The following RIMS2 variants were observed in gnomAD, a reference collection of about 807,000 sequenced individuals.
RIMS2 encodes regulating synaptic membrane exocytosis protein 2.
RIMS2 carries 59 observed loss-of-function variants against 174.4 expected under a neutral mutation model. The observed-to-expected ratio is 0.34, with a 90% confidence interval of 0.27 to 0.42. The LOEUF (loss-of-function observed/expected upper bound fraction) is 0.42. Ranked by LOEUF, RIMS2 falls within the 10% of genes least tolerant of loss-of-function variation. The pLI, the probability that RIMS2 is intolerant of heterozygous loss-of-function variation, is 1.00. For synonymous variants in RIMS2, 606 were observed against 572.5 expected (o/e 1.06, Z -0.84); for missense variants, 1,620 against 1,666.3 (o/e 0.97, Z 0.48).
At chr8:103,512,258 C>G (rs2131130129) in intron 1 of RIMS2, among the ~76,000 whole-genome samples, 1 of 152,274 alleles carries the variant, frequency 6.6e-6, no homozygotes. Context: ...TAACATTTTG[C>G]CAACTGCAAA....
intron 19 of RIMS2, among the ~76,000 whole-genome samples, chr8:104,145,336 A>G (rs964546378): frequency 6.6e-6 from 1 of 152,050 alleles, no homozygotes. Context: ...GTTGAAATAT[A>G]CTGTATTTCC....
At chr8:104,183,345 T>C (rs1006725897) in intron 19 of RIMS2, among the ~76,000 whole-genome samples, 2 of 151,736 alleles carry the variant, frequency 1.3e-5, no homozygotes, top group African/African-American at 2.4e-5. Context: ...ACATAATTAT[T>C]TTATTATCTT....
chr8:103,728,340 T>A (rs969628737), intron 2 of RIMS2, among the ~76,000 whole-genome samples: 1 of 152,164 alleles, frequency 6.6e-6, no homozygotes, highest in Admixed American at 6.6e-5. Context: ...GGTGGAGTCT[T>A]TAGGTTTTTC....
chr8:104,216,628 A>G (rs2138144193), intron 19 of RIMS2, among the ~76,000 whole-genome samples: 1 of 152,306 alleles, frequency 6.6e-6, no homozygotes, highest in East Asian at 1.9e-4. Context: ...CTATATAAAG[A>G]GTATAGTAAT....
intron 19 of RIMS2, among the ~76,000 whole-genome samples, chr8:104,134,176 A>G (rs1013601679): frequency 6.6e-6 from 1 of 152,196 alleles, no homozygotes; most frequent in Non-Finnish European, 1.5e-5. Flanking sequence ...AATTCAAGAT[A>G]CTTTGGGGCC....
intron 16 of RIMS2, among the ~76,000 whole-genome samples, chr8:103,978,252 T>C (rs186278884): frequency 6.6e-6 from 1 of 152,272 alleles, no homozygotes; most frequent in Admixed American, 6.5e-5. Context: ...ACATTTTAGA[T>C]CAGATTCTCT....
chr8:103,549,812 G>T (rs1419918865), intron 1 of RIMS2, among the ~76,000 whole-genome samples: 1 of 152,044 alleles, frequency 6.6e-6, no homozygotes, highest in African/African-American at 2.4e-5. Context: ...AAAGGCAGGG[G>T]TTGCAATCCT....
chr8:103,627,416 G>A (rs1009572037), intron 1 of RIMS2, among the ~76,000 whole-genome samples: 1 of 152,254 alleles, frequency 6.6e-6, no homozygotes, highest in Admixed American at 6.5e-5. Flanking sequence ...GTGGTCCTGA[G>A]GTGATGTACG....
intron 1 of RIMS2, among the ~76,000 whole-genome samples, chr8:103,581,456 A>G (rs936274977): frequency 6.6e-6 from 1 of 152,218 alleles, no homozygotes; most frequent in African/African-American, 2.4e-5. Context: ...AACACACTGA[A>G]TGTAGAAGGA....
intron 3 of RIMS2, among the ~76,000 whole-genome samples, chr8:103,792,947 A>G (rs922011077): frequency 2.0e-5 from 3 of 152,190 alleles, no homozygotes; most frequent in Admixed American, 1.3e-4. Context: ...TTAATAGCCT[A>G]CCAACCAAAA....
At chr8:103,821,319 G>A (rs1488825149) in intron 3 of RIMS2, among the ~76,000 whole-genome samples, 4 of 151,546 alleles carry the variant, frequency 2.6e-5, no homozygotes, top group African/African-American at 9.7e-5. Flanking sequence ...ATAAGATTAT[G>A]AAGTTTTTAA....
At chr8:103,746,983 T>C (rs2097826794) in intron 2 of RIMS2, among the ~76,000 whole-genome samples, 1 of 151,838 alleles carries the variant, frequency 6.6e-6, no homozygotes, top group African/African-American at 2.4e-5. Context: ...AGTGAGAACA[T>C]GTGGTATTTG....
At chr8:104,109,313 A>G (rs560493432) in intron 19 of RIMS2, among the ~76,000 whole-genome samples, 10 of 151,488 alleles carry the variant, frequency 6.6e-5, no homozygotes, top group South Asian at 6.2e-4. Flanking sequence ...AAAAAAAAAA[A>G]AAAAGAAATA....
At chr8:103,594,094 G>A (rs1024090459) in intron 1 of RIMS2, among the ~76,000 whole-genome samples, 2 of 151,568 alleles carry the variant, frequency 1.3e-5, no homozygotes, top group African/African-American at 4.8e-5. Flanking sequence ...GCACTTTCAC[G>A]ATTATTTTTG....
At chr8:103,664,846 A>C (rs896737801) in intron 1 of RIMS2, among the ~76,000 whole-genome samples, 1 of 152,224 alleles carries the variant, frequency 6.6e-6, no homozygotes, top group African/African-American at 2.4e-5. Flanking sequence ...TTGTGGCACT[A>C]TTCACAATAG....
At chr8:103,797,211 GT>G (rs2098555891) in intron 3 of RIMS2, among the ~76,000 whole-genome samples, 1 of 152,096 alleles carries the variant, frequency 6.6e-6, no homozygotes, top group Non-Finnish European at 1.5e-5. Flanking sequence ...AGTATTCCTA[GT>G]TACTTGAGCC....
chr8:103,632,276 CTT>C (rs960474083), intron 1 of RIMS2, among the ~76,000 whole-genome samples: 6 of 152,068 alleles, frequency 3.9e-5, no homozygotes, highest in Admixed American at 1.3e-4. Context: ...ATAGATGACT[CTT>C]ATTATTTTAA....
intron 19 of RIMS2, among the ~76,000 whole-genome samples, chr8:104,038,670 T>G (rs933191874): frequency 6.6e-6 from 1 of 151,844 alleles, no homozygotes; most frequent in African/African-American, 2.4e-5. Flanking sequence ...AATAAATACT[T>G]ACAGCATATT....
chr8:103,726,729 TTA>T (rs908338999), intron 2 of RIMS2, among the ~76,000 whole-genome samples: 52 of 146,634 alleles, frequency 3.5e-4, no homozygotes, highest in Middle Eastern at 3.6e-3. Context: ...TTTATATTAA[TTA>T]TATATATATA....
Sources: allele counts gnomAD v4.1 joint callset (sites outside exome capture counted in the v4.1 genomes callset), GRCh38; gene constraint gnomAD v4.1.1; transcripts MANE v1.5; gene names NCBI Gene and HGNC (gene_info 2026-07-23, HGNC 2026-07-21).